Variants in RMND5B observed in about 807,000 individuals in gnomAD.
The protein encoded by RMND5B is required for meiotic nuclear division 5 homolog B, also known as E3 ubiquitin-protein transferase RMND5B.
A neutral mutation model predicts 50.4 loss-of-function variants in RMND5B; 42 were observed. The ratio of observed to expected loss-of-function variants is 0.83; its 90% CI spans 0.65 to 1.08. RMND5B has a LOEUF of 1.08. Ranked by LOEUF, RMND5B falls within the 50% of genes least tolerant of loss-of-function variation. RMND5B has a pLI of 0.00. For synonymous variants in RMND5B, 220 were observed against 210.0 expected, an observed-to-expected ratio of 1.05 and a Z score of -0.41; for missense variants, 463 against 508.5, an observed-to-expected ratio of 0.91 and a Z score of 0.86.
At chr5:178,146,617 T>A (rs1262991085) in intron 8 of RMND5B, 5 of 250,506 alleles carry the variant, frequency 2.0e-5, no homozygotes, top group Non-Finnish European at 2.4e-5. Flanking sequence ...GCCTTCCTCA[T>A]GACCTAATGT....
chr5:178,143,195 C>T (rs907763898), intron 5 of RMND5B, among the ~76,000 whole-genome samples: 4 of 152,172 alleles, frequency 2.6e-5, no homozygotes, highest in Admixed American at 6.5e-5. Flanking sequence ...GGTTGCCAGC[C>T]AGGGCTCTGA....
At position 178,132,047 on chromosome 5, in the gene RMND5B, T is replaced by G. The variant is rs1038201743; in HGVS notation, c.-13+671T>G. On this transcript the variant is annotated intron_variant, in intron 2 of 10. Coordinates refer to ENST00000313386, the MANE Select transcript of RMND5B (RefSeq NM_022762.5). ...ATAAGAATTGGCTGGGCACGGTGGT[T>G]CACGCCCGTAATTCCAGCACTTTGG... Among the ~76,000 whole-genome samples, 8 of 152,194 alleles carry G rather than the reference T, an allele frequency of 5.3e-5. No individual in the cohort carries two copies. The East Asian group carries it at 1.5e-3, about 29-fold the overall frequency.
chr5:178,131,050 GC>G lies in RMND5B; in HGVS notation c.-156del, dbSNP rs1758259497. ...CGGAAGCCGGGGCCGGGGCTGCGGG[GC>G]GAGGTGAGAGCGGGCGGGCTTGGGA... On this transcript the variant is annotated 5_prime_UTR_variant, in exon 1 of 11. Coordinates refer to ENST00000313386, the MANE Select transcript of RMND5B (RefSeq NM_022762.5). 1 of 151,796 alleles carries G rather than the reference GC, an allele frequency of 6.6e-6. No homozygotes were observed. Among genetic ancestry groups the G allele is most frequent in the African/African-American group, 2.4e-5 (1 of 41,318 alleles). The allele number at this position is 151,796 out of a possible 1,614,324, so 9.4% of individuals were successfully genotyped here. A position where few individuals can be genotyped will look rare whatever the true frequency, so the allele number is the denominator to read the frequency against.
At chr5:178,143,789 G>C (rs1755820632) in intron 6 of RMND5B, 62 bp downstream of exon 6, 2 of 1,466,726 alleles carry the variant, frequency 1.4e-6, no homozygotes, top group Admixed American at 3.4e-5. Flanking sequence ...CACAGGGCTT[G>C]ACTGTGGTCT....
At chr5:178,132,877 G>GT (rs1489414338) in intron 2 of RMND5B, among the ~76,000 whole-genome samples, 2 of 49,966 alleles carry the variant, frequency 4.0e-5, no homozygotes, top group African/African-American at 1.4e-4. Context: ...TTGTTTGTTT[G>GT]TTTTTTTGAG....
Position 178,147,994 on chromosome 5 carries a change from G to A in RMND5B, c.1144G>A (p.Glu382Lys). 6.2e-7 allele frequency: 1 copy of A among 1,614,072 alleles called. No individual in the cohort carries two copies. Among genetic ancestry groups the A allele is most frequent in the Non-Finnish European group, 8.5e-7 (1 of 1,180,014 alleles). ...GCTGAAGTGTCCCTACTGTCCCATG[G>A]AGCAGAACCCGGCAGATGGGAAACG... ...GKLKCPYCPMEQNPADGKRII... is the reference protein window; with the variant it reads ...GKLKCPYCPMKQNPADGKRII... The change falls in exon 11 of 11, where the codon GAG (glutamate) becomes AAG (lysine). Residue 382 changes from glutamate to lysine, a missense_variant. Physicochemically the swap from Glu to Lys is moderately conservative, Grantham distance 56. Transcript: ENST00000313386.
chr5:178,150,303 G>A lies in RMND5B; in HGVS notation c.*2271G>A, dbSNP rs538125483. On this transcript the variant is annotated 3_prime_UTR_variant, in exon 11 of 11. Coordinates refer to ENST00000313386, the MANE Select transcript of RMND5B (RefSeq NM_022762.5). The stretch of plus-strand genomic sequence containing the variant: ...TTTGGTTCTTACCATCAGGCCAAAC[G>A]GTAAGTTCCTTCAGAACAGGGCCTC... The A allele has an allele frequency of 5.8e-4, 129 of 220,716 alleles. No individual in the cohort carries two copies. The highest frequency in any genetic ancestry group is 9.7e-4 in the Non-Finnish European group (104 of 107,750). The allele number at this position is 220,716 out of a possible 1,614,324, so 13.7% of individuals were successfully genotyped here.
chr5:178,143,931 T>C lies in RMND5B; in HGVS notation c.528-11T>C, dbSNP rs1303097132. The stretch of plus-strand genomic sequence containing the variant: ...ACCAGCTCTACACTAAACTGGCCCC[T>C]TTCTTCCCAGATGGGCCGTCTCCCA... On this transcript the variant is annotated splice_polypyrimidine_tract_variant and intron_variant, in intron 6 of 10. Transcript: ENST00000313386. 5.0e-6 allele frequency: 8 copies of C among 1,613,832 alleles called. No homozygotes were observed. The Admixed American group carries it at 5.0e-5, about 10-fold the overall frequency.
At position 178,142,729 on chromosome 5, in the gene RMND5B, G is replaced by A; in HGVS notation, c.285+1G>A. 1 of 1,614,224 alleles carries A rather than the reference G, an allele frequency of 6.2e-7. No homozygotes were observed. Among genetic ancestry groups the A allele is most frequent in the South Asian group, 1.1e-5 (1 of 91,086 alleles). On this transcript the variant is annotated splice_donor_variant, in intron 4 of 10. Coordinates refer to ENST00000313386, the MANE Select transcript of RMND5B (RefSeq NM_022762.5). LOFTEE classifies it high-confidence loss of function. ...CCGAGTGGGCAAAGCCATTGACAGG[G>A]TGAGCACGTGGCCGGCTCCAGGCGT...
At chr5:178,144,352 T>C (rs1174091572) in intron 7 of RMND5B, among the ~76,000 whole-genome samples, 1 of 152,064 alleles carries the variant, frequency 6.6e-6, no homozygotes, top group East Asian at 1.9e-4. Flanking sequence ...TCGTGCCTGC[T>C]ATGCGCCACA....
rs1365199733 is a variant in RMND5B at position 178,131,395 on chromosome 5, A to G, written c.-13+19A>G. On this transcript the variant is annotated intron_variant, in intron 2 of 10. Coordinates refer to ENST00000313386, the MANE Select transcript of RMND5B (RefSeq NM_022762.5). ...TGAGCAGGTGCGCACCGGGCTCGGC[A>G]GGGCTATGGAGCAGGGTCTTTGGAA... The G allele has an allele frequency of 2.6e-5, 4 of 152,168 alleles. No individual in the cohort carries two copies. The highest frequency in any genetic ancestry group is 4.4e-5 in the Non-Finnish European group (3 of 68,060). 9.4% of individuals were successfully genotyped at this position (152,168 alleles called of 1,614,324 possible).
At position 178,137,467 on chromosome 5, in the gene RMND5B, C is replaced by T. The variant is rs539885632; in HGVS notation, c.-12-641C>T. On this transcript the variant is annotated intron_variant, in intron 2 of 10. Coordinates refer to ENST00000313386, the MANE Select transcript of RMND5B (RefSeq NM_022762.5). This position sits in a 1 kb window ranked among gnomAD's most constrained non-coding sequence, Gnocchi z 4.4. ...CTTTGAGAGGCCAAGGTGGAAAGAT[C>T]GTTTGAGCCCAGGAGTTTGAGACCA... is the stretch of plus-strand genomic sequence containing the variant. Among the ~76,000 whole-genome samples, 92 of 152,186 alleles carry T rather than the reference C, an allele frequency of 6.0e-4. No individual in the cohort carries two copies. The highest frequency in any genetic ancestry group is 6.8e-3 in the Middle Eastern group (2 of 294).
chr5:178,134,618 T>G (rs1414900850), intron 2 of RMND5B, among the ~76,000 whole-genome samples: 1 of 152,140 alleles, frequency 6.6e-6, no homozygotes, highest in Non-Finnish European at 1.5e-5. Context: ...ACCTCCTGCA[T>G]TTTTTGGATA....
Position 178,146,080 on chromosome 5 carries a change from A to AC in RMND5B, c.695-29dup, listed in dbSNP as rs776231274. On this transcript the variant is annotated intron_variant, in intron 7 of 10. Transcript: ENST00000313386. Reference sequence around the variant, plus strand: ...CTTGGGGGTGGACCCAGAGCCCTGCACCCCCTGAGCTGCCCCCTCTGGTTG... The same window carrying AC: ...CTTGGGGGTGGACCCAGAGCCCTGCACCCCCCTGAGCTGCCCCCTCTGGTTG... 1.9e-6 allele frequency: 3 copies of AC among 1,610,224 alleles called. No individual in the cohort carries two copies. The Admixed American group carries it at 5.0e-5, about 27-fold the overall frequency.
intron 8 of RMND5B, 153 bp from the exon 9 acceptor site, chr5:178,147,380 C>T (rs1756068927): frequency 1.6e-6 from 1 of 627,102 alleles, no homozygotes; most frequent in Non-Finnish European, 2.8e-6. Flanking sequence ...TATGTGACAT[C>T]TTATGAACAA....
rs1581129329 is a variant in RMND5B at position 178,146,118 on chromosome 5, C to G, written c.699C>G (p.Ile233Met). 1.9e-6 allele frequency: 3 copies of G among 1,614,058 alleles called. No homozygotes were observed. Among genetic ancestry groups the G allele is most frequent in the South Asian group, 1.1e-5 (1 of 91,056 alleles). ...QPFARLHQRE[I>M]QVMMGSLVYL... ...CCCCCTCTGGTTGCCTTGTAGAGAT[C>G]CAGGTGATGATGGGCAGCCTGGTGT... Residue 233 changes from isoleucine (I) to methionine (M), a missense_variant, in exon 8 of 11, where the codon ATC (isoleucine) becomes ATG (methionine). Coordinates refer to ENST00000313386, the MANE Select transcript of RMND5B (RefSeq NM_022762.5).
intron 3 of RMND5B, 73 bp from the exon 4 acceptor site, chr5:178,142,510 A>C: frequency 6.0e-6 from 9 of 1,506,324 alleles, no homozygotes; most frequent in African/African-American, 1.4e-5. Context: ...CATTTAGAAT[A>C]GAGCTAAGGT....
chr5:178,139,225 G>C (rs1277862395), intron 3 of RMND5B, among the ~76,000 whole-genome samples: 1 of 110,046 alleles, frequency 9.1e-6, no homozygotes, highest in Non-Finnish European at 2.0e-5. Flanking sequence ...TTTTTTTTTT[G>C]AGATGGAGTC....
chr5:178,144,114 T>C lies in RMND5B; in HGVS notation c.694+6T>C. On this transcript the variant is annotated splice_donor_region_variant and intron_variant, in intron 7 of 10. Transcript: ENST00000313386. ...TGCTCGGCTGCACCAGCGGGGTGAGTGCCCAGGCAGCTGGGGTTGTGCTGC... is the reference window on the plus strand; with the variant it reads ...TGCTCGGCTGCACCAGCGGGGTGAGCGCCCAGGCAGCTGGGGTTGTGCTGC... 1.2e-6 allele frequency: 2 copies of C among 1,611,604 alleles called. No individual in the cohort carries two copies. The highest frequency in any genetic ancestry group is 1.7e-6 in the Non-Finnish European group (2 of 1,178,426).
Sources: allele counts gnomAD v4.1 joint callset (sites outside exome capture counted in the v4.1 genomes callset), GRCh38; gene constraint gnomAD v4.1.1; non-coding constraint Gnocchi (gnomAD v3.1); transcripts MANE v1.5; gene names NCBI Gene and HGNC (gene_info 2026-07-23, HGNC 2026-07-21).